Variants in LIG3 observed in about 807,000 individuals in gnomAD.
LIG3 encodes DNA ligase 3.
A neutral mutation model predicts 110.9 loss-of-function variants in LIG3; 58 were observed. The ratio of observed to expected loss-of-function variants is 0.52; its 90% confidence interval spans 0.42 to 0.65. LIG3 has a LOEUF of 0.65. LIG3 is among the 30% of genes least tolerant of loss of function. The probability of loss-of-function intolerance (pLI) is 0.00; values close to 1 mark genes in which losing one functional copy is unlikely to be tolerated. For synonymous variants in LIG3, 422 were observed against 472.8 expected, an observed-to-expected ratio of 0.89 and a Z score of 1.39; for missense variants, 1,094 against 1,273.8, an observed-to-expected ratio of 0.86 and a Z score of 2.15.
intron 7 of LIG3, 104 bp from the exon 8 acceptor site, chr17:34,992,420 C>A: frequency 8.1e-7 from 1 of 1,238,758 alleles, no homozygotes; most frequent in Non-Finnish European, 1.1e-6. Flanking sequence ...ACAACCCCTT[C>A]CCTACAGATG....
intron 7 of LIG3, 133 bp downstream of exon 7, chr17:34,992,168 G>T (rs1165207484): frequency 2.6e-6 from 2 of 779,232 alleles, no homozygotes; most frequent in East Asian, 2.6e-5. Flanking sequence ...GTGAGACCCT[G>T]ATCTGTCACT....
Position 34,992,611 on chromosome 17 carries a change from G to C in LIG3, c.1374G>C (p.Ala458=). 6.2e-7 allele frequency: 1 copy of C among 1,613,876 alleles called. No individual in the cohort carries two copies. Among genetic ancestry groups the C allele is most frequent in the Non-Finnish European group, 8.5e-7 (1 of 1,179,902 alleles). The part of the protein sequence containing the change: ...QDVVERVLHN[A]QEVEKEPGQR... ...TGGTGGAGCGGGTCCTTCACAACGC[G>C]CAGGAGGTGGAGAAGGAGCCGGGCC... The change falls in exon 8 of 20, where the codon GCG becomes GCC. Residue 458 remains alanine (A), a synonymous_variant. Transcript: ENST00000378526.
rs145687669 is a variant in LIG3, at chr17:34,998,089, T to G, written c.1912-130T>G. 10 of 721,738 alleles carry G rather than the reference T, an allele frequency of 1.4e-5. No homozygotes were observed. In the African/African-American group the frequency reaches 1.6e-4, roughly 12 times the overall value. The allele number at this position is 721,738 out of a possible 1,614,324, so 44.7% of individuals were successfully genotyped here. ...TGAGAAGCAACCTGCTTTCTAACCC[T>G]TTGTCCCTTATATTTCAAGTAAGGG... On this transcript the variant is annotated intron_variant, in intron 12 of 19. Coordinates refer to ENST00000378526, the MANE Select transcript of LIG3 (RefSeq NM_013975.4).
At position 34,996,066 on chromosome 17, in the gene LIG3, G is replaced by T. The variant is rs1314348533; in HGVS notation, c.1614G>T (p.Val538=). The stretch of plus-strand genomic sequence containing the variant: ...CAAAGCTCCCCTTCTGCTTTCAGGT[G>T]GCCCACTTTAAGGACTACATTCCCC... The part of the protein sequence containing the change: ...RSLKPVLPHK[V]AHFKDYIPQA... Residue 538 remains valine, a splice_region_variant and synonymous_variant, in exon 10 of 20, where the codon GTG becomes GTT. Transcript: ENST00000378526. 4 of 1,612,462 alleles carry T rather than the reference G, an allele frequency of 2.5e-6. No individual in the cohort carries two copies. Among genetic ancestry groups the T allele is most frequent in the African/African-American group, 2.7e-5 (2 of 74,886 alleles).
intron 9 of LIG3, among the ~76,000 whole-genome samples, chr17:34,994,644 G>A (rs935338667): frequency 2.0e-5 from 3 of 152,212 alleles, no homozygotes; most frequent in South Asian, 2.1e-4. Context: ...ACTTGGGTTC[G>A]TGAGGATAGA....
rs555057001 is a variant in LIG3 at position 35,006,242 on chromosome 17, C to A, written c.*1736C>A. ...ATCTGCAGTATCCAACCAAACTAGC[C>A]ACAGACAGCTGCTGAGCAATTGAAA... is the stretch of plus-strand genomic sequence containing the variant. On this transcript the variant is annotated 3_prime_UTR_variant, in exon 20 of 20. Coordinates refer to ENST00000378526, the MANE Select transcript of LIG3 (RefSeq NM_013975.4). 2.6e-5 allele frequency: 4 copies of A among 154,982 alleles called. No homozygotes were observed. The highest frequency in any genetic ancestry group is 2.5e-4 in the Admixed American group (4 of 15,812). 9.6% of individuals were successfully genotyped at this position (154,982 alleles called of 1,614,324 possible). A position where few individuals can be genotyped will look rare whatever the true frequency, so the allele number is the denominator to read the frequency against.
chr17:35,001,798 C>T lies in LIG3; in HGVS notation c.2479-111C>T, dbSNP rs1253318686. 4.2e-6 allele frequency: 4 copies of T among 962,914 alleles called. No homozygotes were observed. The East Asian group carries it at 1.1e-4, about 25-fold the overall frequency. The allele number at this position is 962,914 out of a possible 1,614,324, so 59.6% of individuals were successfully genotyped here. The stretch of plus-strand genomic sequence containing the variant: ...CCAACTCCTTTTCCTTGCTCTTTAT[C>T]TTTCTCACATCTTTGTTCCCATATG... On this transcript the variant is annotated intron_variant, in intron 17 of 19. Transcript: ENST00000378526.
At position 35,007,416 on chromosome 17, in the gene LIG3, T is replaced by C. The variant is rs2090903055; in HGVS notation, c.*2910T>C. The C allele has an allele frequency of 6.6e-6, 1 of 152,250 alleles. No homozygotes were observed. The highest frequency in any genetic ancestry group is 2.4e-5 in the African/African-American group (1 of 41,456). The allele number at this position is 152,250 out of a possible 1,614,324, so 9.4% of individuals were successfully genotyped here. A position where few individuals can be genotyped will look rare whatever the true frequency, so the allele number is the denominator to read the frequency against. ...CAGCCCTCAACATCATCATCATAAA[T>C]CTCTCCAGCAGAATGCTGGAGGCCT... On this transcript the variant is annotated 3_prime_UTR_variant, in exon 20 of 20. Coordinates refer to ENST00000378526, the MANE Select transcript of LIG3 (RefSeq NM_013975.4).
intron 4 of LIG3, 90 bp downstream of exon 4, chr17:34,989,753 G>C: frequency 8.2e-7 from 1 of 1,214,346 alleles, no homozygotes; most frequent in Non-Finnish European, 1.2e-6. Context: ...ATAGTTGCCC[G>C]GGATCCCATG....
intron 9 of LIG3, among the ~76,000 whole-genome samples, chr17:34,994,933 C>T (rs1319600374): frequency 6.6e-6 from 1 of 152,150 alleles, no homozygotes; most frequent in East Asian, 1.9e-4. Flanking sequence ...GATGTAAACA[C>T]AGTCTTATGG....
Position 34,994,267 on chromosome 17 carries a change from C to A in LIG3, c.1456-9C>A, listed in dbSNP as rs1397058555. ...GAAAGTCTCCAGGCTTTGCTTTCCC[C>A]ACCCCAAGGCGGAGGCCTGCAAGTC... On this transcript the variant is annotated splice_polypyrimidine_tract_variant and intron_variant, in intron 8 of 19. Transcript: ENST00000378526. The A allele has an allele frequency of 1.2e-6, 2 of 1,607,746 alleles. No individual in the cohort carries two copies. Among genetic ancestry groups the A allele is most frequent in the Non-Finnish European group, 1.7e-6 (2 of 1,177,710 alleles).
At chr17:34,994,571 T>C in intron 9 of LIG3, 140 bp downstream of exon 9, 1 of 917,536 alleles carries the variant, frequency 1.1e-6, no homozygotes, top group Non-Finnish European at 1.6e-6. Flanking sequence ...TTAATTCATT[T>C]ATTCATTTTT....
Position 34,999,095 on chromosome 17 carries a change from C to T in LIG3, c.2114-212C>T, listed in dbSNP as rs3136012. The stretch of plus-strand genomic sequence containing the variant: ...TCCAACACAGTTCAATGCCCCAGAG[C>T]CCAACAGGTTGGGTGTGATTATCCC... On this transcript the variant is annotated intron_variant, in intron 14 of 19. Transcript: ENST00000378526. 3.2e-3 allele frequency: 1,803 copies of T among 568,878 alleles called. 2 individuals carry two copies. The highest frequency in any genetic ancestry group is 4.7e-3 in the Non-Finnish European group (1,543 of 327,526). The allele number at this position is 568,878 out of a possible 1,614,324, so 35.2% of individuals were successfully genotyped here.
At chr17:34,993,789 A>T (rs1285955268) in intron 8 of LIG3, among the ~76,000 whole-genome samples, 2 of 152,308 alleles carry the variant, frequency 1.3e-5, no homozygotes, top group Admixed American at 1.3e-4. Context: ...AGGCTAGCAC[A>T]GGTAGGCATG....
At position 34,997,742 on chromosome 17, in the gene LIG3, C is replaced by T; in HGVS notation, c.1828C>T (p.Leu610=). 2 of 1,613,628 alleles carry T rather than the reference C, an allele frequency of 1.2e-6. No homozygotes were observed. Among genetic ancestry groups the T allele is most frequent in the Non-Finnish European group, 1.7e-6 (2 of 1,179,538 alleles). ...CAGCTCTCCTGTTCTCCTCAGACCT[C>T]TGTGTGAGCGGCGGAAGTTTCTTCA... The part of the protein sequence containing the change: ...FNDVSLMDRP[L]CERRKFLHDN... The change falls in exon 12 of 20, where the codon CTG becomes TTG. Residue 610 remains leucine (L), a synonymous_variant. Transcript: ENST00000378526.
rs1306529401 is a variant in LIG3 at position 35,007,903 on chromosome 17, C to CTAAG, written c.*3399_*3402dup. 3 of 152,318 alleles carry CTAAG rather than the reference C, an allele frequency of 2.0e-5. No homozygotes were observed. Among genetic ancestry groups the CTAAG allele is most frequent in the East Asian group, 3.9e-4 (2 of 5,182 alleles). The allele number at this position is 152,318 out of a possible 1,614,324, so 9.4% of individuals were successfully genotyped here. On this transcript the variant is annotated 3_prime_UTR_variant, in exon 20 of 20. Transcript: ENST00000378526. The stretch of plus-strand genomic sequence containing the variant: ...AACAGGCACACACCATCACTCGCAG[C>CTAAG]TAAGTTTTTGTATTTTTAGTAGAGA...
At chr17:34,998,792 G>A in intron 14 of LIG3, 65 bp downstream of exon 14, 1 of 1,552,488 alleles carries the variant, frequency 6.4e-7, no homozygotes, top group South Asian at 1.2e-5. Context: ...GGTACAGGCT[G>A]GCCTTGTTAC....
intron 2 of LIG3, among the ~76,000 whole-genome samples, chr17:34,985,246 C>T (rs1322091719): frequency 6.6e-6 from 1 of 152,142 alleles, no homozygotes; most frequent in African/African-American, 2.4e-5. Context: ...TCCAGTTAGT[C>T]CTCTTTGACC....
rs2090753489 is a variant in LIG3, at chr17:34,994,100, C to G, written c.1456-176C>G. ...ATTTCATAGGCAGAATACAACATTG[C>G]CCAGCCCTTTCCGTTCCCATCACCT... On this transcript the variant is annotated intron_variant, in intron 8 of 19. Coordinates refer to ENST00000378526, the MANE Select transcript of LIG3 (RefSeq NM_013975.4). The G allele has an allele frequency of 5.4e-6, 3 of 559,430 alleles. No homozygotes were observed. The South Asian group carries it at 7.5e-5, about 14-fold the overall frequency. The allele number at this position is 559,430 out of a possible 1,614,324, so 34.7% of individuals were successfully genotyped here.
Sources: allele counts gnomAD v4.1 joint callset (sites outside exome capture counted in the v4.1 genomes callset), GRCh38; gene constraint gnomAD v4.1.1; transcripts MANE v1.5; gene names NCBI Gene and HGNC (gene_info 2026-07-23, HGNC 2026-07-21).